NKAIN2: variants seen among roughly 807,000 people sequenced by gnomAD.
The protein encoded by NKAIN2 is sodium/potassium transporting ATPase interacting 2, also known as sodium/potassium-transporting ATPase subunit beta-1-interacting protein 2.
In NKAIN2, 14 loss-of-function variants were observed where a neutral mutation model predicts 32.6. That is an observed-to-expected ratio of 0.43 (90% CI 0.28 to 0.67). The LOEUF (loss-of-function observed/expected upper bound fraction) is 0.67, where lower values mean the gene tolerates loss of function less well. NKAIN2 is among the 30% of genes least tolerant of loss of function. The pLI is 0.17. For missense variants in NKAIN2, 198 were observed against 258.3 expected (o/e 0.77, Z 1.60); for synonymous variants, 80 against 87.2 (o/e 0.92, Z 0.46).
chr6:124,475,559 T>G (rs1477329105), intron 3 of NKAIN2, among the ~76,000 whole-genome samples: 1 of 152,156 alleles, frequency 6.6e-6, no homozygotes, highest in African/African-American at 2.4e-5. Flanking sequence ...ATAGAAAAAT[T>G]GTTCAAGAAG....
At chr6:124,283,936 G>A (rs56003007) in intron 2 of NKAIN2, among the ~76,000 whole-genome samples, 3,741 of 152,186 alleles carry the variant, frequency 0.025, 147 homozygotes, top group African/African-American at 0.084. Context: ...AGATAGTACC[G>A]TGAAAGCTCT....
At chr6:124,045,760 A>C (rs1782092235) in intron 1 of NKAIN2, among the ~76,000 whole-genome samples, 1 of 152,052 alleles carries the variant, frequency 6.6e-6, no homozygotes, top group South Asian at 2.1e-4. Flanking sequence ...AAATTGATAC[A>C]TTATGGCTTT....
At chr6:124,680,865 CATAAA>C (rs1453998082) in intron 4 of NKAIN2, among the ~76,000 whole-genome samples, 5 of 151,600 alleles carry the variant, frequency 3.3e-5, no homozygotes, top group Non-Finnish European at 7.4e-5. Flanking sequence ...AGATAATATT[CATAAA>C]ATAAATGAGA....
intron 3 of NKAIN2, among the ~76,000 whole-genome samples, chr6:124,401,232 T>C (rs1157641368): frequency 6.6e-6 from 1 of 152,178 alleles, no homozygotes; most frequent in East Asian, 1.9e-4. Flanking sequence ...GTGAAATTGC[T>C]GGGAAGGTAT....
intron 1 of NKAIN2, among the ~76,000 whole-genome samples, chr6:123,980,945 C>T (rs1778863821): frequency 6.6e-6 from 1 of 151,678 alleles, no homozygotes; most frequent in South Asian, 2.1e-4. Flanking sequence ...TCTCTGCTCA[C>T]TGCAACCTCC....
intron 4 of NKAIN2, among the ~76,000 whole-genome samples, chr6:124,688,772 A>G (rs542431440): frequency 1.3e-5 from 2 of 152,218 alleles, no homozygotes; most frequent in South Asian, 2.1e-4. Context: ...TAATGTAAAT[A>G]TAAGTTTTCT....
chr6:124,411,237 G>C (rs1415302419), intron 3 of NKAIN2, among the ~76,000 whole-genome samples: 1 of 152,048 alleles, frequency 6.6e-6, no homozygotes, highest in Admixed American at 6.5e-5. Flanking sequence ...ATGTTAGCTG[G>C]TTATTTTGCT....
In NKAIN2 at chr6:123,899,761, T is replaced by A. The variant is rs1478130127; in HGVS notation, c.54+95507T>A. On this transcript the variant is annotated intron_variant, in intron 1 of 6. Coordinates refer to ENST00000368417, the MANE Select transcript of NKAIN2 (RefSeq NM_001040214.3). Reference sequence around the variant, plus strand: ...TAGGAGAGGTGGGGATTGTGACTTGTGTGTCTTTACAACACTGGGAGTTGG... The same window carrying A: ...TAGGAGAGGTGGGGATTGTGACTTGAGTGTCTTTACAACACTGGGAGTTGG... Among the ~76,000 whole-genome samples the A allele has an allele frequency of 2.0e-5, 3 of 152,318 alleles. No individual in the cohort carries two copies. In the Middle Eastern group the frequency reaches 0.01, roughly 518 times the overall value.
At chr6:123,955,244 G>T (rs1470831141) in intron 1 of NKAIN2, among the ~76,000 whole-genome samples, 1 of 146,238 alleles carries the variant, frequency 6.8e-6, no homozygotes, top group East Asian at 2.0e-4. Context: ...AAAAGCCAAA[G>T]ACTTAGTTTG....
chr6:124,257,937 C>A (rs1562455006), intron 1 of NKAIN2, among the ~76,000 whole-genome samples: 2 of 151,330 alleles, frequency 1.3e-5, no homozygotes, highest in Non-Finnish European at 3.0e-5. Flanking sequence ...CGCCACCAGC[C>A]CCCGGGTAAT....
At chr6:123,817,988 C>T (rs1773765819) in intron 1 of NKAIN2, among the ~76,000 whole-genome samples, 1 of 152,098 alleles carries the variant, frequency 6.6e-6, no homozygotes, top group African/African-American at 2.4e-5. Flanking sequence ...TAGTTTGAGC[C>T]AGGTGGATTT....
intron 1 of NKAIN2, among the ~76,000 whole-genome samples, chr6:123,870,519 T>C (rs1402879740): frequency 6.6e-6 from 1 of 152,200 alleles, no homozygotes; most frequent in African/African-American, 2.4e-5. Context: ...CTCTAAGCTT[T>C]AGTTTTCTGC....
chr6:124,704,270 T>C (rs1210683762), intron 4 of NKAIN2, among the ~76,000 whole-genome samples: 2 of 151,954 alleles, frequency 1.3e-5, no homozygotes, highest in African/African-American at 4.8e-5. Flanking sequence ...ACACTCTGTT[T>C]AGAGCTTCCT....
intron 1 of NKAIN2, among the ~76,000 whole-genome samples, chr6:124,050,753 A>G (rs1782365050): frequency 6.6e-6 from 1 of 152,062 alleles, no homozygotes; most frequent in Non-Finnish European, 1.5e-5. Context: ...CTTCAATCCA[A>G]CAATGTAATT....
intron 3 of NKAIN2, among the ~76,000 whole-genome samples, chr6:124,507,088 CAAAG>C (rs986218992): frequency 7.2e-5 from 11 of 152,284 alleles, no homozygotes; most frequent in Admixed American, 2.6e-4. Context: ...TTTATAATAA[CAAAG>C]AAGAAAGGAT....
chr6:124,320,472 GT>G (rs932785458), intron 2 of NKAIN2, among the ~76,000 whole-genome samples: 159 of 152,206 alleles, frequency 1.0e-3, no homozygotes, highest in African/African-American at 3.5e-3. Context: ...TTAGAATGAA[GT>G]TTTTTTCTAA....
intron 2 of NKAIN2, among the ~76,000 whole-genome samples, chr6:124,330,490 G>A (rs948353774): frequency 6.6e-6 from 1 of 152,136 alleles, no homozygotes; most frequent in East Asian, 1.9e-4. Flanking sequence ...TTGAGACAAG[G>A]ACCTGGTAGC....
chr6:123,924,487 A>G (rs1775915332), intron 1 of NKAIN2, among the ~76,000 whole-genome samples: 3 of 152,382 alleles, frequency 2.0e-5, no homozygotes, highest in Admixed American at 6.5e-5. Context: ...GGTAGAGATC[A>G]TAGCTTTATA....
chr6:124,138,653 ATTATG>A (rs1212619780), intron 1 of NKAIN2, among the ~76,000 whole-genome samples: 4 of 81,742 alleles, frequency 4.9e-5, no homozygotes, highest in Non-Finnish European at 2.4e-5. Context: ...ATTATTAATA[ATTATG>A]TTATATTATT....
Sources: allele counts gnomAD v4.1 joint callset (sites outside exome capture counted in the v4.1 genomes callset), GRCh38; gene constraint gnomAD v4.1.1; transcripts MANE v1.5; gene names NCBI Gene and HGNC (gene_info 2026-07-23, HGNC 2026-07-21).